SPMAP2L: variants seen among roughly 807,000 people sequenced by gnomAD.
The protein encoded by SPMAP2L is sperm microtubule associated protein 2 like, also known as sperm microtubule associated protein 2-like.
chr4:56,559,277 G>A, the SPMAP2L span: 658,172 of 913,492 alleles, frequency 0.72, 241,237 homozygotes, highest in Non-Finnish European at 0.73. Context: ...CTCCACTCCA[G>A]CCTGGGCAAC....
the SPMAP2L span, among the ~76,000 whole-genome samples, chr4:56,558,392 T>G: frequency 6.6e-6 from 1 of 152,248 alleles, no homozygotes; most frequent in Non-Finnish European, 1.5e-5. Flanking sequence ...TTGTTCATAC[T>G]CTGTGTTTTC....
the SPMAP2L span, among the ~76,000 whole-genome samples, chr4:56,553,321 T>C: frequency 6.6e-6 from 1 of 150,574 alleles, no homozygotes; most frequent in South Asian, 2.1e-4. Flanking sequence ...CTCCTGAGTA[T>C]CTGGGACCAC....
the SPMAP2L span, chr4:56,593,489 T>G: frequency 3.8e-6 from 6 of 1,598,400 alleles, no homozygotes; most frequent in Non-Finnish European, 5.1e-6. Context: ...TTTACGGAAC[T>G]CGTGGAGAGA....
the SPMAP2L span, among the ~76,000 whole-genome samples, chr4:56,603,668 C>T: frequency 1.3e-5 from 2 of 152,150 alleles, no homozygotes; most frequent in African/African-American, 2.4e-5. Flanking sequence ...CTTTTCCTTT[C>T]CCAGTGAGTT....
chr4:56,575,996 G>T, the SPMAP2L span, among the ~76,000 whole-genome samples: 1 of 152,202 alleles, frequency 6.6e-6, no homozygotes, highest in African/African-American at 2.4e-5. Context: ...TTTGAAGGCT[G>T]AATTTCTCCT....
At chr4:56,593,914 A>C in the SPMAP2L span, 139 of 1,609,424 alleles carry the variant, frequency 8.6e-5, no homozygotes, top group East Asian at 7.8e-4. Flanking sequence ...TGATTTTGCC[A>C]GAAGGTCTCA....
chr4:56,579,596 C>T, the SPMAP2L span, among the ~76,000 whole-genome samples: 668 of 152,006 alleles, frequency 4.4e-3, 2 homozygotes, highest in African/African-American at 0.015. Context: ...ATAGTGAGAC[C>T]CTATCTCTTC....
the SPMAP2L span, among the ~76,000 whole-genome samples, chr4:56,537,701 T>TA: frequency 2.0e-5 from 3 of 152,028 alleles, no homozygotes; most frequent in African/African-American, 7.2e-5. Flanking sequence ...TCTTTTCTTT[T>TA]TTTTTTTTGA....
At chr4:56,553,096 G>C in the SPMAP2L span, among the ~76,000 whole-genome samples, 2 of 147,566 alleles carry the variant, frequency 1.4e-5, no homozygotes, top group Non-Finnish European at 3.0e-5. Context: ...TGGACCCTTA[G>C]TCCTTTCACG....
chr4:56,612,715 T>C, the SPMAP2L span, among the ~76,000 whole-genome samples: 132 of 151,824 alleles, frequency 8.7e-4, no homozygotes, highest in Non-Finnish European at 1.4e-3. Flanking sequence ...TACAGGTGCG[T>C]GCCTCCACGC....
At chr4:56,608,233 T>TGTGAGAA in the SPMAP2L span, among the ~76,000 whole-genome samples, 1 of 152,128 alleles carries the variant, frequency 6.6e-6, no homozygotes, top group African/African-American at 2.4e-5. Flanking sequence ...TGTAATAAAA[T>TGTGAGAA]GTGAGAAGTG....
chr4:56,600,866 T>C, the SPMAP2L span: 11 of 1,413,246 alleles, frequency 7.8e-6, no homozygotes, highest in Non-Finnish European at 1.0e-5. Flanking sequence ...TAAGTAGGGA[T>C]ATAGCTATAG....
chr4:56,562,157 G>T, the SPMAP2L span, among the ~76,000 whole-genome samples: 1 of 152,086 alleles, frequency 6.6e-6, no homozygotes, highest in East Asian at 1.9e-4. Context: ...GATATACAAG[G>T]TAGATTAAAG....
the SPMAP2L span, among the ~76,000 whole-genome samples, chr4:56,617,040 G>A: frequency 6.6e-6 from 1 of 152,048 alleles, no homozygotes; most frequent in South Asian, 2.1e-4. Context: ...CGAATAGTAC[G>A]GAACCCTATG....
the SPMAP2L span, among the ~76,000 whole-genome samples, chr4:56,609,260 C>A: frequency 6.6e-6 from 1 of 152,002 alleles, no homozygotes; most frequent in South Asian, 2.1e-4. Flanking sequence ...CCAGACTGGT[C>A]TCGAACTCCT....
the SPMAP2L span, among the ~76,000 whole-genome samples, chr4:56,578,386 A>C: frequency 2.6e-5 from 4 of 152,182 alleles, no homozygotes; most frequent in Non-Finnish European, 4.4e-5. Flanking sequence ...TAAATGTCAC[A>C]GTAGAAAATA....
the SPMAP2L span, among the ~76,000 whole-genome samples, chr4:56,567,789 C>T: frequency 6.6e-6 from 1 of 151,816 alleles, no homozygotes; most frequent in African/African-American, 2.4e-5. Context: ...CTCTTTGTCT[C>T]TGGTTTTTAA....
chr4:56,585,333 C>T, the SPMAP2L span, among the ~76,000 whole-genome samples: 7 of 152,074 alleles, frequency 4.6e-5, no homozygotes, highest in Admixed American at 1.3e-4. Context: ...TGTATGTGGA[C>T]ATTACCGTGG....
At chr4:56,543,981 A>AGAGTGTGTGTGTGTGTGTGTGTATGT in the SPMAP2L span, among the ~76,000 whole-genome samples, 4 of 102,946 alleles carry the variant, frequency 3.9e-5, no homozygotes, top group Admixed American at 2.1e-4. Context: ...TGTGAGAGAG[A>AGAGTGTGTGTGTGTGTGTGTGTATGT]GAGAGAGAGA....
Sources: gnomAD v4.1 joint callset for allele counts (sites outside exome capture counted in the v4.1 genomes callset) on GRCh38, gnomAD v4.1.1 for gene constraint, MANE v1.5 for transcripts, NCBI Gene and HGNC (gene_info 2026-07-23, HGNC 2026-07-21) for gene names.